Variants in GNA14 observed in about 807,000 individuals in gnomAD.
GNA14 encodes the protein guanine nucleotide-binding protein subunit alpha-14.
Under a neutral mutation model 42.0 loss-of-function variants are expected in GNA14, and 50 were observed. The observed-to-expected ratio is 1.19, with a 90% CI of 0.95 to 1.51. The LOEUF (loss-of-function observed/expected upper bound fraction) is 1.51, where lower values mean the gene tolerates loss of function less well. GNA14 is among the 40% of genes most tolerant of loss of function. GNA14 has a pLI of 0.00. For synonymous variants in GNA14, 173 were observed against 163.1 expected (o/e 1.06, Z -0.46); for missense variants, 473 against 446.2 (o/e 1.06, Z -0.54).
chr9:77,632,474 A>G (rs922083117), intron 1 of GNA14, among the ~76,000 whole-genome samples: 14 of 152,130 alleles, frequency 9.2e-5, no homozygotes. Flanking sequence ...GTGGCCCTGT[A>G]GGGGCTAAAA....
At chr9:77,506,060 T>C (rs1365928208) in intron 2 of GNA14, among the ~76,000 whole-genome samples, 3 of 151,322 alleles carry the variant, frequency 2.0e-5, no homozygotes, top group African/African-American at 7.3e-5. Context: ...GGCCAGGAGT[T>C]CAAGATTAGT....
intron 2 of GNA14, among the ~76,000 whole-genome samples, chr9:77,520,800 A>C (rs1465696395): frequency 6.6e-6 from 1 of 152,222 alleles, no homozygotes; most frequent in East Asian, 1.9e-4. Context: ...TTGTAACTTT[A>C]CAGGATCTCC....
intron 2 of GNA14, among the ~76,000 whole-genome samples, chr9:77,510,868 G>A (rs1837154670): frequency 6.6e-6 from 1 of 152,086 alleles, no homozygotes; most frequent in Admixed American, 6.5e-5. Flanking sequence ...CTGGTTGCCT[G>A]GAGACATTTA....
intron 1 of GNA14, among the ~76,000 whole-genome samples, chr9:77,640,871 C>CAAAAAAAA (rs1178043976): frequency 7.3e-5 from 2 of 27,370 alleles, no homozygotes; most frequent in African/African-American, 1.2e-4. Context: ...ATAAAATGCT[C>CAAAAAAAA]AAAAAAAAAA....
chr9:77,531,172 G>T (rs1177294030), intron 1 of GNA14, among the ~76,000 whole-genome samples: 1 of 152,074 alleles, frequency 6.6e-6, no homozygotes, highest in African/African-American at 2.4e-5. Context: ...ACACATTTGG[G>T]CACCACGAAC....
chr9:77,608,493 A>C (rs985200824), intron 1 of GNA14, among the ~76,000 whole-genome samples: 2 of 152,114 alleles, frequency 1.3e-5, no homozygotes, highest in Admixed American at 6.5e-5. Flanking sequence ...GTGATTCTCT[A>C]AGGGAGAATG....
At chr9:77,635,735 T>A (rs572776460) in intron 1 of GNA14, among the ~76,000 whole-genome samples, 1 of 152,330 alleles carries the variant, frequency 6.6e-6, no homozygotes, top group Admixed American at 6.5e-5. Flanking sequence ...TCATAATCAA[T>A]GTTGCCTTAG....
At chr9:77,425,378 G>A (rs779961645) in intron 6 of GNA14, among the ~76,000 whole-genome samples, 184 bp downstream of exon 6, 2 of 152,136 alleles carry the variant, frequency 1.3e-5, no homozygotes, top group African/African-American at 2.4e-5. Context: ...AAGCACATGT[G>A]GAGGTGCTGT....
chr9:77,489,303 T>C (rs1421435539), intron 2 of GNA14, among the ~76,000 whole-genome samples: 1 of 151,976 alleles, frequency 6.6e-6, no homozygotes, highest in African/African-American at 2.4e-5. Context: ...AGACAGAATC[T>C]AAGAATTATT....
chr9:77,584,440 T>C (rs1389325422), intron 1 of GNA14, among the ~76,000 whole-genome samples: 1 of 152,164 alleles, frequency 6.6e-6, no homozygotes, highest in African/African-American at 2.4e-5. Flanking sequence ...TGCCTTTCCT[T>C]TCACCAGAGA....
chr9:77,445,674 G>A (rs1835806142), intron 2 of GNA14, among the ~76,000 whole-genome samples: 1 of 151,978 alleles, frequency 6.6e-6, no homozygotes, highest in African/African-American at 2.4e-5. Context: ...CCTAGGAGTC[G>A]GAGGCTGGAG....
intron 5 of GNA14, among the ~76,000 whole-genome samples, chr9:77,427,506 C>T (rs984413362): frequency 7.1e-6 from 1 of 141,026 alleles, no homozygotes; most frequent in Non-Finnish European, 1.6e-5. Flanking sequence ...ATTGCCTAAT[C>T]CTGGACTGAG....
At chr9:77,555,030 T>G (rs538309579) in intron 1 of GNA14, among the ~76,000 whole-genome samples, 2 of 145,748 alleles carry the variant, frequency 1.4e-5, no homozygotes, top group South Asian at 4.2e-4. Context: ...AATTTGGCAG[T>G]ATTTTTTTTT....
intron 1 of GNA14, among the ~76,000 whole-genome samples, chr9:77,620,881 C>A (rs1165983222): frequency 6.9e-6 from 1 of 145,768 alleles, no homozygotes; most frequent in East Asian, 2.0e-4. Flanking sequence ...AAATCCCTTT[C>A]TGTTTGGCCA....
At chr9:77,611,012 T>A (rs1425983910) in intron 1 of GNA14, among the ~76,000 whole-genome samples, 1 of 152,018 alleles carries the variant, frequency 6.6e-6, no homozygotes, top group Non-Finnish European at 1.5e-5. Context: ...GGAGGAGGGG[T>A]AGAAAGATAG....
intron 1 of GNA14, among the ~76,000 whole-genome samples, chr9:77,533,114 T>TTC (rs35132238): frequency 0.75 from 113,202 of 151,926 alleles, 42,595 homozygotes; most frequent in Admixed American, 0.81. Context: ...CATTTAGTTT[T>TTC]TCTGTTTTCA....
chr9:77,622,800 A>T (rs1009293271), intron 1 of GNA14, among the ~76,000 whole-genome samples: 1 of 150,128 alleles, frequency 6.7e-6, no homozygotes, highest in African/African-American at 2.4e-5. Context: ...AGGCTGAGGC[A>T]GGAGAATGGT....
At chr9:77,446,966 A>AT (rs72399683) in intron 2 of GNA14, among the ~76,000 whole-genome samples, 7,169 of 146,090 alleles carry the variant, frequency 0.049, 221 homozygotes, top group South Asian at 0.11. Context: ...TTCATGTACA[A>AT]TTTTTTTTTT....
intron 1 of GNA14, among the ~76,000 whole-genome samples, chr9:77,534,621 AC>A (rs1352423150): frequency 1.3e-5 from 2 of 152,218 alleles, no homozygotes; most frequent in African/African-American, 2.4e-5. Flanking sequence ...TGTAAATAGA[AC>A]AAAAGAAGTC....
Sources: gnomAD v4.1 joint callset for allele counts (sites outside exome capture counted in the v4.1 genomes callset) on GRCh38, gnomAD v4.1.1 for gene constraint, MANE v1.5 for transcripts, NCBI Gene and HGNC (gene_info 2026-07-23, HGNC 2026-07-21) for gene names.